JMJD8: variants seen among roughly 807,000 people sequenced by gnomAD.
JMJD8 encodes the protein jmjC domain-containing protein 8.
JMJD8 carries 56 observed loss-of-function variants against 37.6 expected under a neutral mutation model. The observed-to-expected ratio is 1.49, with a 90% confidence interval of 1.20 to 1.86. The LOEUF (loss-of-function observed/expected upper bound fraction) is 1.86, where lower values mean the gene tolerates loss of function less well. Ranked by LOEUF, JMJD8 falls within the 40% of genes most tolerant of loss-of-function variation. JMJD8 has a pLI of 0.00. For missense variants in JMJD8, 542 were observed against 362.7 expected (o/e 1.49, Z -4.01); for synonymous variants, 261 against 163.7 (o/e 1.59, Z -4.54).
rs1220548740 is a variant in JMJD8, at chr16:683,398, G to A, written c.435C>T (p.Ala145=). 1.9e-6 allele frequency: 3 copies of A among 1,553,928 alleles called. No individual in the cohort carries two copies. The highest frequency in any genetic ancestry group is 2.4e-5 in the East Asian group (1 of 41,092). Residue 145 remains alanine (A), a synonymous_variant, in exon 6 of 9, where the codon GCC becomes GCT. Coordinates refer to ENST00000609261, the MANE Select transcript of JMJD8 (RefSeq NM_001005920.4). ...GTGGGGAGTAGTGCCGAAAGAGAGA[G>A]GCCCACTCGGTGAAGTTGTTGTCCC... The part of the protein sequence containing the change: ...FFGDNNFTEW[A]SLFRHYSPPP...
rs2039743378 is a variant in JMJD8 at position 682,990 on chromosome 16, G to A, written c.677C>T (p.Ser226Phe). The change falls in exon 8 of 9, where the codon TCT becomes TTT. Residue 226 changes from serine (S) to phenylalanine (F), a missense_variant. By Grantham distance (155) the Ser-to-Phe change is radical. Transcript: ENST00000609261. ...GATGGTACACTCCAGGGGCCGTGCA[G>A]ACGGTGGCAGGGCTGGGTATGTGTC... Reference protein sequence around the residue: ...LRDTYPALPPSARPLECTIRA... With the variant: ...LRDTYPALPPFARPLECTIRA... The A allele has an allele frequency of 3.7e-6, 6 of 1,613,432 alleles. No individual in the cohort carries two copies. The highest frequency in any genetic ancestry group is 5.1e-6 in the Non-Finnish European group (6 of 1,179,878).
chr16:684,100 G>T lies in JMJD8; in HGVS notation c.142C>A (p.Arg48=), dbSNP rs1299086250. 14 of 1,570,072 alleles carry T rather than the reference G, an allele frequency of 8.9e-6. No homozygotes were observed. In the East Asian group the frequency reaches 3.0e-4, roughly 34 times the overall value. Residue 48 remains arginine (R), a synonymous_variant, in exon 2 of 9, where the codon CGG becomes AGG. Transcript: ENST00000609261. Reference sequence around the variant, plus strand: ...AACTCCGCGTAGGTGAGGTCGGCCCGACGCTCCACCGTGCAGCGCTCCTCC... The same window carrying T: ...AACTCCGCGTAGGTGAGGTCGGCCCTACGCTCCACCGTGCAGCGCTCCTCC... ...AEEERCTVER[R]ADLTYAEFVQ... is the part of the protein sequence containing the mutation.
chr16:683,690 T>C lies in JMJD8; in HGVS notation c.317A>G (p.His106Arg), dbSNP rs749544794. 5 of 1,602,816 alleles carry C rather than the reference T, an allele frequency of 3.1e-6. No individual in the cohort carries two copies. The South Asian group carries it at 3.4e-5, about 11-fold the overall frequency. Residue 106 changes from histidine to arginine, a missense_variant, in exon 4 of 9, where the codon CAC becomes CGC. By Grantham distance (29) the His-to-Arg change is conservative (BLOSUM62 0). Coordinates refer to ENST00000609261, the MANE Select transcript of JMJD8 (RefSeq NM_001005920.4). ...RLSTANTYSYHKVDLPFQEYV... is the reference protein window; with the variant it reads ...RLSTANTYSYRKVDLPFQEYV... ...CCAGGGGTGAGGCCGCGTACCTTTGTGGTAGGAGTAGGTGTTGGCGGTGCT... is the reference window on the plus strand; with the variant it reads ...CCAGGGGTGAGGCCGCGTACCTTTGCGGTAGGAGTAGGTGTTGGCGGTGCT...
Position 682,312 on chromosome 16 carries a change from G to C in JMJD8, c.*482C>G, listed in dbSNP as rs374349238. 4 of 1,612,874 alleles carry C rather than the reference G, an allele frequency of 2.5e-6. No homozygotes were observed. In the African/African-American group the frequency reaches 5.3e-5, roughly 21 times the overall value. On this transcript the variant is annotated 3_prime_UTR_variant, in exon 9 of 9. Transcript: ENST00000609261. ...GCCTGCGGCTGGGGGAGCAGGGCCA[G>C]TGGCATGGTCCTGGGCCCCATGACT...
At position 682,666 on chromosome 16, in the gene JMJD8, G is replaced by C. The variant is rs111472162; in HGVS notation, c.*128C>G. 5 of 1,412,172 alleles carry C rather than the reference G, an allele frequency of 3.5e-6. No homozygotes were observed. The African/African-American group carries it at 5.6e-5, about 16-fold the overall frequency. 87.5% of individuals were successfully genotyped at this position (1,412,172 alleles called of 1,614,324 possible). On this transcript the variant is annotated 3_prime_UTR_variant, in exon 9 of 9. Coordinates refer to ENST00000609261, the MANE Select transcript of JMJD8 (RefSeq NM_001005920.4). ...TGCTGGGCCGTGATCGTCCCCCTTT[G>C]TGGGCTGGAAAAGCAGGTGAGGGTG...
rs777906377 is a variant in JMJD8 at position 683,237 on chromosome 16, G to C, written c.512-3C>G. 7 of 1,613,022 alleles carry C rather than the reference G, an allele frequency of 4.3e-6. No individual in the cohort carries two copies. The highest frequency in any genetic ancestry group is 5.9e-6 in the Non-Finnish European group (7 of 1,179,878). ...GAAGGGCACCCCCGAGCCAGCTCCT[G>C]TGGGGTTATGAGCACCTGGTGACCA... On this transcript the variant is annotated splice_polypyrimidine_tract_variant and splice_region_variant and intron_variant, in intron 6 of 8. Coordinates refer to ENST00000609261, the MANE Select transcript of JMJD8 (RefSeq NM_001005920.4).
In JMJD8 at chr16:684,056, G is replaced by C. The variant is rs1399233620; in HGVS notation, c.176+10C>G. ...CAGGACGCGACCTCCGCGATCAGGG[G>C]CGCACGTACTGCTGCACGAACTCCG... On this transcript the variant is annotated intron_variant, in intron 2 of 8. Coordinates refer to ENST00000609261, the MANE Select transcript of JMJD8 (RefSeq NM_001005920.4). 3 of 1,579,656 alleles carry C rather than the reference G, an allele frequency of 1.9e-6. No individual in the cohort carries two copies. In the South Asian group the frequency reaches 3.4e-5, roughly 18 times the overall value.
rs2039747657 is a variant in JMJD8, at chr16:683,040, G to T, written c.627C>A (p.Asn209Lys). The T allele has an allele frequency of 6.2e-7, 1 of 1,613,602 alleles. No homozygotes were observed. Among genetic ancestry groups the T allele is most frequent in the African/African-American group, 1.3e-5 (1 of 75,054 alleles). ...PPEKTPEFHP[N>K]KTTLAWLRDT... The stretch of plus-strand genomic sequence containing the variant: ...CCCGGAGCCAGGCCAGCGTGGTCTT[G>T]TTGGGGTGGAACTCTGGCGTCTTCT... The change falls in exon 8 of 9, where the codon AAC becomes AAA. Residue 209 changes from asparagine (N) to lysine (K), a missense_variant. Physicochemically the swap from Asn to Lys is moderately conservative, Grantham distance 94. Transcript: ENST00000609261.
Position 682,624 on chromosome 16 carries a change from C to A in JMJD8, c.*170G>T. ...TGCTGTTGGACTCTGGACTGTTTCCCCTCTCAGCATCGCTTTTGCTGGGCC... is the reference window on the plus strand; with the variant it reads ...TGCTGTTGGACTCTGGACTGTTTCCACTCTCAGCATCGCTTTTGCTGGGCC... On this transcript the variant is annotated 3_prime_UTR_variant, in exon 9 of 9. Transcript: ENST00000609261. 6.9e-7 allele frequency: 1 copy of A among 1,448,738 alleles called. No homozygotes were observed. The highest frequency in any genetic ancestry group is 9.4e-7 in the Non-Finnish European group (1 of 1,060,616). 89.7% of individuals were successfully genotyped at this position (1,448,738 alleles called of 1,614,324 possible).
In JMJD8 at chr16:682,800, G is replaced by A. The variant is rs369428970; in HGVS notation, c.789C>T (p.Leu263=). 1.4e-5 allele frequency: 22 copies of A among 1,612,822 alleles called. No individual in the cohort carries two copies. Among genetic ancestry groups the A allele is most frequent in the Middle Eastern group, 1.6e-4 (1 of 6,084 alleles). The stretch of plus-strand genomic sequence containing the variant: ...GTCCTGCCAGCTGTTTTGGCTAGCC[G>A]AGGAAGGTGGAGATGAAGACGCTGG... ...LDTSVFISTF[L]G The change falls in exon 9 of 9, where the codon CTC becomes CTT. Residue 263 remains leucine (L), a synonymous_variant. Coordinates refer to ENST00000609261, the MANE Select transcript of JMJD8 (RefSeq NM_001005920.4).
chr16:683,582 C>T lies in JMJD8; in HGVS notation c.339G>A (p.Gln113=). 2.5e-6 allele frequency: 4 copies of T among 1,577,244 alleles called. No individual in the cohort carries two copies. The highest frequency in any genetic ancestry group is 1.2e-5 in the South Asian group (1 of 86,408). ...YSYHKVDLPF[Q]EYVEQLLHPQ... ...GGTGCAGCAGCTGCTCCACATACTC[C>T]TGGAAGGGCAAGTCCACTGCAGGAA... is the stretch of plus-strand genomic sequence containing the variant. The change falls in exon 5 of 9, where the codon CAG becomes CAA. Residue 113 remains glutamine, a synonymous_variant. Coordinates refer to ENST00000609261, the MANE Select transcript of JMJD8 (RefSeq NM_001005920.4).
At position 681,840 on chromosome 16, in the gene JMJD8, G is replaced by A; in HGVS notation, c.*954C>T. 1 of 1,611,110 alleles carries A rather than the reference G, an allele frequency of 6.2e-7. No homozygotes were observed. The highest frequency in any genetic ancestry group is 8.5e-7 in the Non-Finnish European group (1 of 1,178,720). On this transcript the variant is annotated 3_prime_UTR_variant, in exon 9 of 9. Coordinates refer to ENST00000609261, the MANE Select transcript of JMJD8 (RefSeq NM_001005920.4). ...AACCACGAGGGTGATGAGGACGACAGCCACGTCCGGGCCCAGCAGGCCTGC... is the reference window on the plus strand; with the variant it reads ...AACCACGAGGGTGATGAGGACGACAACCACGTCCGGGCCCAGCAGGCCTGC...
In JMJD8 at chr16:683,319, C is replaced by T. The variant is rs1430026908; in HGVS notation, c.511+3G>A. On this transcript the variant is annotated splice_donor_region_variant and intron_variant, in intron 6 of 8. Transcript: ENST00000609261. ...GTCCTTCCCAGTCCCAAGAAGCACC[C>T]ACCTGCGATTCCAAAGCTGTAAGCT... is the stretch of plus-strand genomic sequence containing the variant. The T allele has an allele frequency of 2.5e-6, 4 of 1,597,412 alleles. No homozygotes were observed. The highest frequency in any genetic ancestry group is 2.2e-5 in the South Asian group (2 of 89,244).
In JMJD8 at chr16:683,217, G is replaced by A. The variant is rs774027574; in HGVS notation, c.529C>T (p.Pro177Ser). 3 of 1,613,110 alleles carry A rather than the reference G, an allele frequency of 1.9e-6. No individual in the cohort carries two copies. Among genetic ancestry groups the A allele is most frequent in the South Asian group, 2.2e-5 (2 of 91,080 alleles). ...FGIAGAGSGV[P>S]FHWHGPGYSE... ...TACCCGGGTCCATGCCAGTGGAAGG[G>A]CACCCCCGAGCCAGCTCCTGTGGGG... The change falls in exon 7 of 9, where the codon CCC becomes TCC. Residue 177 changes from proline (P) to serine (S), a missense_variant. Coordinates refer to ENST00000609261, the MANE Select transcript of JMJD8 (RefSeq NM_001005920.4).
In JMJD8 at chr16:683,752, C is replaced by T. The variant is rs1411835148; in HGVS notation, c.255G>A (p.Arg85=). ...CTCTGTCCCCAAACGAAGCCAGCAACCTGTCGCGGGAGCACAGGGCCCGGA... is the reference window on the plus strand; with the variant it reads ...CTCTGTCCCCAAACGAAGCCAGCAATCTGTCGCGGGAGCACAGGGCCCGGA... ...SRFRALCSRD[R]LLASFGDRVV... is the part of the protein sequence containing the mutation. Residue 85 remains arginine, a synonymous_variant, in exon 4 of 9, where the codon AGG becomes AGA. Coordinates refer to ENST00000609261, the MANE Select transcript of JMJD8 (RefSeq NM_001005920.4). 1 of 1,609,576 alleles carries T rather than the reference C, an allele frequency of 6.2e-7. No homozygotes were observed. The highest frequency in any genetic ancestry group is 8.5e-7 in the Non-Finnish European group (1 of 1,178,600).
Position 682,300 on chromosome 16 carries a change from G to A in JMJD8, c.*494C>T, listed in dbSNP as rs758072912. 1.2e-6 allele frequency: 2 copies of A among 1,612,662 alleles called. No homozygotes were observed. Among genetic ancestry groups the A allele is most frequent in the East Asian group, 4.5e-5 (2 of 44,878 alleles). ...CCTGCAGGTGAGGCCTGCGGCTGGG[G>A]GAGCAGGGCCAGTGGCATGGTCCTG... On this transcript the variant is annotated 3_prime_UTR_variant, in exon 9 of 9. Transcript: ENST00000609261.
At position 682,500 on chromosome 16, in the gene JMJD8, C is replaced by T. The variant is rs774729566; in HGVS notation, c.*294G>A. The stretch of plus-strand genomic sequence containing the variant: ...GTGGAGGACTACTGAGGTTCCCTGC[C>T]CTACCTGGCGTCCTGGTCCAGGGGA... On this transcript the variant is annotated 3_prime_UTR_variant, in exon 9 of 9. Transcript: ENST00000609261. 8 of 1,612,920 alleles carry T rather than the reference C, an allele frequency of 5.0e-6. No individual in the cohort carries two copies. Among genetic ancestry groups the T allele is most frequent in the East Asian group, 2.2e-5 (1 of 44,898 alleles).
Position 681,825 on chromosome 16 carries a change from G to A in JMJD8, c.*969C>T, listed in dbSNP as rs776700179. The A allele has an allele frequency of 4.4e-6, 7 of 1,609,098 alleles. No individual in the cohort carries two copies. Among genetic ancestry groups the A allele is most frequent in the Admixed American group, 1.7e-5 (1 of 59,846 alleles). On this transcript the variant is annotated 3_prime_UTR_variant, in exon 9 of 9. Coordinates refer to ENST00000609261, the MANE Select transcript of JMJD8 (RefSeq NM_001005920.4). ...GAAGAGTGCCAGCGAAACCACGAGGGTGATGAGGACGACAGCCACGTCCGG... is the reference window on the plus strand; with the variant it reads ...GAAGAGTGCCAGCGAAACCACGAGGATGATGAGGACGACAGCCACGTCCGG...
In JMJD8 at chr16:682,229, T is replaced by C; in HGVS notation, c.*565A>G. On this transcript the variant is annotated 3_prime_UTR_variant, in exon 9 of 9. Transcript: ENST00000609261. ...TTTGAGCTGATGCGGGAGCCGTGCA[T>C]CACGCCCAGTGGCATCACCTACGAC... The C allele has an allele frequency of 6.2e-7, 1 of 1,613,040 alleles. No homozygotes were observed. Among genetic ancestry groups the C allele is most frequent in the African/African-American group, 1.3e-5 (1 of 75,052 alleles).
Sources: gnomAD v4.1 joint callset for allele counts on GRCh38, gnomAD v4.1.1 for gene constraint, MANE v1.5 for transcripts, NCBI Gene and HGNC (gene_info 2026-07-23, HGNC 2026-07-21) for gene names.